Variants in GRM1 observed in about 807,000 individuals in gnomAD.
GRM1 encodes metabotropic glutamate receptor 1.
A neutral mutation model predicts 90.9 loss-of-function variants in GRM1; 33 were observed. That is an observed-to-expected ratio of 0.36 (90% CI 0.28 to 0.49). The LOEUF is 0.49. GRM1 is among the 20% of genes least tolerant of loss of function. GRM1 has a pLI of 0.99. For missense variants in GRM1, 1,190 were observed against 1,534.3 expected (o/e 0.78, Z 3.75); for synonymous variants, 700 against 613.2 (o/e 1.14, Z -2.09).
At chr6:146,191,641 T>C (rs1333289611) in intron 2 of GRM1, among the ~76,000 whole-genome samples, 3 of 152,188 alleles carry the variant, frequency 2.0e-5, no homozygotes, top group Non-Finnish European at 4.4e-5. Context: ...ATTGAATCCT[T>C]TCTGTTTTCT....
chr6:146,077,376 A>C (rs192462517), intron 1 of GRM1, among the ~76,000 whole-genome samples: 1 of 152,348 alleles, frequency 6.6e-6, no homozygotes, highest in Admixed American at 6.5e-5. Flanking sequence ...TGGTGGTTTC[A>C]GTCAGTGGCT....
chr6:146,395,895 A>C (rs362928), intron 6 of GRM1, among the ~76,000 whole-genome samples: 1,897 of 152,212 alleles, frequency 0.012, 21 homozygotes, highest in Admixed American at 0.023. Flanking sequence ...ATCATCTTTG[A>C]ATTGGAAAAT....
chr6:146,119,199 G>A (rs904667390), intron 1 of GRM1, among the ~76,000 whole-genome samples: 6 of 152,310 alleles, frequency 3.9e-5, no homozygotes, highest in Middle Eastern at 3.4e-3. Context: ...CAGTGATGAC[G>A]AGCATTTTTT....
At chr6:146,232,760 G>A (rs2206520) in intron 2 of GRM1, among the ~76,000 whole-genome samples, 34,191 of 151,782 alleles carry the variant, frequency 0.23, 8,024 homozygotes, top group African/African-American at 0.6. Flanking sequence ...AATTATCTCT[G>A]TTAAGGCCCT....
At chr6:146,351,657 C>T (rs1292265813) in intron 3 of GRM1, among the ~76,000 whole-genome samples, 2 of 152,042 alleles carry the variant, frequency 1.3e-5, no homozygotes, top group African/African-American at 4.8e-5. Flanking sequence ...AACATTTTAC[C>T]TGAGTTTCCA....
At chr6:146,274,969 G>T (rs1356962991) in intron 2 of GRM1, among the ~76,000 whole-genome samples, 5 of 152,136 alleles carry the variant, frequency 3.3e-5, no homozygotes, top group East Asian at 1.9e-4. Context: ...GGTGGAGTTT[G>T]CAGGGAGCCA....
At chr6:146,229,070 G>A (rs1273195180) in intron 2 of GRM1, among the ~76,000 whole-genome samples, 3 of 151,972 alleles carry the variant, frequency 2.0e-5, no homozygotes, top group Non-Finnish European at 2.9e-5. Context: ...TTTAAAGGAG[G>A]AAATATGCTT....
At chr6:146,173,047 C>T (rs187615485) in intron 2 of GRM1, among the ~76,000 whole-genome samples, 11 of 152,130 alleles carry the variant, frequency 7.2e-5, no homozygotes, top group South Asian at 4.2e-4. Context: ...TGGTAATAAA[C>T]GGATTCAGAA....
intron 2 of GRM1, among the ~76,000 whole-genome samples, chr6:146,202,726 CT>C (rs1381174630): frequency 1.3e-5 from 2 of 152,188 alleles, no homozygotes; most frequent in African/African-American, 2.4e-5. Context: ...AGACAAGCAA[CT>C]TTCCACTATT....
intron 2 of GRM1, among the ~76,000 whole-genome samples, chr6:146,166,212 T>C (rs2128893118): frequency 6.6e-6 from 1 of 152,268 alleles, no homozygotes; most frequent in East Asian, 1.9e-4. Flanking sequence ...ATAGATTCCC[T>C]GATCTCACCT....
chr6:146,046,074 T>G (rs1385918237), intron 1 of GRM1, among the ~76,000 whole-genome samples: 1 of 152,002 alleles, frequency 6.6e-6, no homozygotes, highest in African/African-American at 2.4e-5. Flanking sequence ...CTGCTTTAAG[T>G]CCATCTGTCT....
chr6:146,366,495 C>T (rs1463202670), intron 5 of GRM1, among the ~76,000 whole-genome samples: 3 of 152,092 alleles, frequency 2.0e-5, no homozygotes, highest in African/African-American at 7.2e-5. Flanking sequence ...TCATTCACCC[C>T]TCTCCTTTCC....
intron 2 of GRM1, among the ~76,000 whole-genome samples, chr6:146,168,291 A>T (rs1338625398): frequency 1.3e-5 from 2 of 151,988 alleles, no homozygotes; most frequent in African/African-American, 4.8e-5. Flanking sequence ...GGTTTAAAAT[A>T]TACTTCTTTA....
intron 1 of GRM1, among the ~76,000 whole-genome samples, chr6:146,139,836 C>T (rs2128883256): frequency 1.3e-5 from 2 of 151,848 alleles, no homozygotes; most frequent in African/African-American, 4.8e-5. Context: ...TAAAAACCTA[C>T]TCCTGCCATT....
intron 7 of GRM1, among the ~76,000 whole-genome samples, chr6:146,408,777 C>G (rs1302676409): frequency 6.6e-6 from 1 of 152,150 alleles, no homozygotes; most frequent in South Asian, 2.1e-4. Flanking sequence ...GTTTGGCAAC[C>G]TGTCCCTGCT....
chr6:146,135,492 C>T (rs1186052815), intron 1 of GRM1, among the ~76,000 whole-genome samples: 1 of 152,220 alleles, frequency 6.6e-6, no homozygotes, highest in Non-Finnish European at 1.5e-5. Context: ...GACTTACAGA[C>T]ACATAGTAAG....
intron 2 of GRM1, among the ~76,000 whole-genome samples, chr6:146,279,730 T>C (rs773267381): frequency 1.3e-5 from 2 of 152,220 alleles, no homozygotes; most frequent in African/African-American, 4.8e-5. Context: ...CTTTTACTTA[T>C]ATAAAAACAC....
chr6:146,084,450 T>C (rs904529371), intron 1 of GRM1, among the ~76,000 whole-genome samples: 1 of 152,186 alleles, frequency 6.6e-6, no homozygotes, highest in Admixed American at 6.5e-5. Flanking sequence ...TCGTTCTCGT[T>C]GGTTTCAAAG....
intron 3 of GRM1, among the ~76,000 whole-genome samples, chr6:146,328,830 G>A (rs1261530350): frequency 2.0e-5 from 3 of 152,082 alleles, no homozygotes; most frequent in African/African-American, 7.2e-5. Flanking sequence ...GGTGCAGTTG[G>A]GAATTTGTCT....
Sources: gnomAD v4.1 joint callset for allele counts (sites outside exome capture counted in the v4.1 genomes callset) on GRCh38, gnomAD v4.1.1 for gene constraint, MANE v1.5 for transcripts, NCBI Gene and HGNC (gene_info 2026-07-23, HGNC 2026-07-21) for gene names.